Variants in RTN1 observed in about 807,000 individuals in gnomAD.
The protein encoded by RTN1 is reticulon-1.
A neutral mutation model predicts 65.5 loss-of-function variants in RTN1; 25 were observed. That is an observed-to-expected ratio of 0.38 (90% CI 0.28 to 0.53). The LOEUF is 0.53. Ranked by LOEUF, RTN1 falls within the 20% of genes least tolerant of loss-of-function variation. RTN1 has a pLI of 0.79. For synonymous variants in RTN1, 471 were observed against 447.6 expected, an observed-to-expected ratio of 1.05 and a Z score of -0.66; for missense variants, 983 against 1,025.4, an observed-to-expected ratio of 0.96 and a Z score of 0.57.
intron 1 of RTN1, among the ~76,000 whole-genome samples, chr14:59,813,973 C>T (rs1199819513): frequency 6.6e-6 from 1 of 152,108 alleles, no homozygotes; most frequent in Non-Finnish European, 1.5e-5. Flanking sequence ...CATTCAACTG[C>T]ATGTTATCAG....
At chr14:59,705,668 T>A (rs1594689569) in intron 3 of RTN1, among the ~76,000 whole-genome samples, 1 of 152,158 alleles carries the variant, frequency 6.6e-6, no homozygotes, top group African/African-American at 2.4e-5. Flanking sequence ...ATCTCAAACA[T>A]CTCAACATCA....
rs1356416739 is a variant in RTN1 at position 59,596,425 on chromosome 14, A to G, written c.*320T>C. 1.4e-5 allele frequency: 3 copies of G among 210,296 alleles called. No individual in the cohort carries two copies. Among genetic ancestry groups the G allele is most frequent in the Non-Finnish European group, 2.9e-5 (3 of 104,910 alleles). The allele number at this position is 210,296 out of a possible 1,614,324, so 13.0% of individuals were successfully genotyped here. On this transcript the variant is annotated 3_prime_UTR_variant, in exon 9 of 9. Coordinates refer to ENST00000267484, the MANE Select transcript of RTN1 (RefSeq NM_021136.3). ...CACGGGGAACATTAGAAGCTACAGA[A>G]GCATTGCAGAGAAGAGAAGAAGAAC...
At chr14:59,810,046 C>T (rs2139611503) in intron 1 of RTN1, among the ~76,000 whole-genome samples, 1 of 152,264 alleles carries the variant, frequency 6.6e-6, no homozygotes, top group African/African-American at 2.4e-5. Flanking sequence ...AGAAAAGACT[C>T]ATTTTGGGAG....
chr14:59,697,421 G>A (rs1463180973), intron 3 of RTN1, among the ~76,000 whole-genome samples: 2 of 152,116 alleles, frequency 1.3e-5, no homozygotes, highest in East Asian at 1.9e-4. Context: ...CTGAATATAT[G>A]TTTACAGAAT....
chr14:59,730,730 C>T (rs918653711), intron 2 of RTN1, among the ~76,000 whole-genome samples: 1 of 152,116 alleles, frequency 6.6e-6, no homozygotes, highest in Non-Finnish European at 1.5e-5. Context: ...TACAAATGGC[C>T]AAAATGCACA....
At chr14:59,840,037 T>G (rs776321172) in intron 1 of RTN1, among the ~76,000 whole-genome samples, 1 of 152,176 alleles carries the variant, frequency 6.6e-6, no homozygotes, top group Non-Finnish European at 1.5e-5. Flanking sequence ...CAGACTCACT[T>G]TCTTACTCTT....
rs1321889574 is a variant in RTN1 at position 59,722,571 on chromosome 14, C to T, written c.1765+4348G>A. Among the ~76,000 whole-genome samples, 6 of 151,976 alleles carry T rather than the reference C, an allele frequency of 3.9e-5. No homozygotes were observed. The South Asian group carries it at 6.2e-4, about 16-fold the overall frequency. Reference sequence around the variant, plus strand: ...GGAAAAAGTTCTGAGAAGGAGTGAACGATTTCCATGAGAGCTGATATTGTC... The same window carrying T: ...GGAAAAAGTTCTGAGAAGGAGTGAATGATTTCCATGAGAGCTGATATTGTC... On this transcript the variant is annotated intron_variant, in intron 3 of 8. Transcript: ENST00000267484.
intron 1 of RTN1, among the ~76,000 whole-genome samples, chr14:59,788,240 G>A (rs949322046): frequency 2.9e-4 from 44 of 152,110 alleles, no homozygotes; most frequent in African/African-American, 1.1e-3. Flanking sequence ...TCCAGCAATG[G>A]GGCTGCTGAA....
chr14:59,823,370 T>A (rs1886976995), intron 1 of RTN1, among the ~76,000 whole-genome samples: 1 of 152,094 alleles, frequency 6.6e-6, no homozygotes, highest in Non-Finnish European at 1.5e-5. Context: ...GCTTGACAGA[T>A]CTTTCTCCAT....
intron 1 of RTN1, among the ~76,000 whole-genome samples, chr14:59,837,722 T>C (rs1161259759): frequency 6.6e-6 from 1 of 150,858 alleles, no homozygotes; most frequent in Admixed American, 6.7e-5. Context: ...ATCAAATTGA[T>C]AAAAATTATT....
chr14:59,601,507 A>C (rs1007268343), intron 8 of RTN1, among the ~76,000 whole-genome samples: 5 of 152,138 alleles, frequency 3.3e-5, no homozygotes, highest in African/African-American at 1.2e-4. Flanking sequence ...CATTTCATTT[A>C]TCTTTATACC....
intron 1 of RTN1, among the ~76,000 whole-genome samples, chr14:59,843,262 C>A (rs1002160255): frequency 6.6e-6 from 1 of 152,178 alleles, no homozygotes; most frequent in Non-Finnish European, 1.5e-5. Context: ...ACAGGCAGAG[C>A]CACTCTGTGG....
rs74851016 is a variant in RTN1 at position 59,829,949 on chromosome 14, T to C, written c.241+40441A>G. Among the ~76,000 whole-genome samples, 1,858 of 152,294 alleles carry C rather than the reference T, an allele frequency of 0.012. 35 individuals carry two copies. The highest frequency in any genetic ancestry group is 0.041 in the African/African-American group (1,714 of 41,558). On this transcript the variant is annotated intron_variant, in intron 1 of 8. Coordinates refer to ENST00000267484, the MANE Select transcript of RTN1 (RefSeq NM_021136.3). The surrounding 1 kb of genome is among the most constrained non-coding windows in gnomAD (Gnocchi z 4.3). Reference sequence around the variant, plus strand: ...AGGACACAAACTGTATGCTGAGTCATTGGGGTTTGAGAGTTTTTTATTTTA... The same window carrying C: ...AGGACACAAACTGTATGCTGAGTCACTGGGGTTTGAGAGTTTTTTATTTTA...
At chr14:59,725,269 A>G (rs1196806148) in intron 3 of RTN1, among the ~76,000 whole-genome samples, 2 of 152,166 alleles carry the variant, frequency 1.3e-5, no homozygotes, top group Admixed American at 6.5e-5. Flanking sequence ...AGATTTATCT[A>G]CTTTTGAGAA....
chr14:59,605,716 G>T, intron 4 of RTN1: 1 of 477,924 alleles, frequency 2.1e-6, no homozygotes, highest in Non-Finnish European at 3.7e-6. Flanking sequence ...GGTTCTCAGT[G>T]GAGCATTGTG....
intron 1 of RTN1, among the ~76,000 whole-genome samples, chr14:59,800,629 T>C (rs911916106): frequency 6.6e-6 from 1 of 152,116 alleles, no homozygotes; most frequent in Non-Finnish European, 1.5e-5. Flanking sequence ...CTCGATTTCC[T>C]GACCTCGTGA....
intron 2 of RTN1, among the ~76,000 whole-genome samples, chr14:59,731,513 A>T (rs1316098334): frequency 1.3e-5 from 2 of 151,276 alleles, no homozygotes; most frequent in African/African-American, 2.4e-5. Flanking sequence ...AAAGCTGTTT[A>T]AAAAAAAATG....
intron 8 of RTN1, among the ~76,000 whole-genome samples, chr14:59,598,897 T>C (rs1322678518): frequency 6.6e-6 from 1 of 152,206 alleles, no homozygotes; most frequent in Admixed American, 6.5e-5. Context: ...CCCATTACTA[T>C]CAGATTTCTA....
Position 59,759,100 on chromosome 14 carries a change from C to T in RTN1, c.242-12619G>A, listed in dbSNP as rs189763526. On this transcript the variant is annotated intron_variant, in intron 1 of 8. Coordinates refer to ENST00000267484, the MANE Select transcript of RTN1 (RefSeq NM_021136.3). ...ATATGGCACATCATATATCCTGATT[C>T]ATCTTTTTGGTCAGGCATGGCATTG... Among the ~76,000 whole-genome samples, 31 of 152,212 alleles carry T rather than the reference C, an allele frequency of 2.0e-4. No individual in the cohort carries two copies. In the East Asian group the frequency reaches 5.8e-3, roughly 28 times the overall value.
Sources: allele counts gnomAD v4.1 joint callset (sites outside exome capture counted in the v4.1 genomes callset), GRCh38; gene constraint gnomAD v4.1.1; non-coding constraint Gnocchi (gnomAD v3.1); transcripts MANE v1.5; gene names NCBI Gene and HGNC (gene_info 2026-07-23, HGNC 2026-07-21).